ATXN2: variants seen among roughly 807,000 people sequenced by gnomAD.
ATXN2 encodes ataxin 2.
In ATXN2, 37 loss-of-function variants were observed where a neutral mutation model predicts 138.6. The ratio of observed to expected loss-of-function variants is 0.27; its 90% confidence interval spans 0.21 to 0.35. The LOEUF (loss-of-function observed/expected upper bound fraction) is 0.35, where lower values mean the gene tolerates loss of function less well. ATXN2 is among the 10% of genes least tolerant of loss of function. The pLI is 1.00. For missense variants in ATXN2, 1,216 were observed against 1,480.3 expected, an observed-to-expected ratio of 0.82 and a Z score of 2.93; for synonymous variants, 549 against 543.7, an observed-to-expected ratio of 1.01 and a Z score of -0.13.
At chr12:111,502,022 G>C (rs1390694192) in intron 14 of ATXN2, among the ~76,000 whole-genome samples, 1 of 152,096 alleles carries the variant, frequency 6.6e-6, no homozygotes, top group East Asian at 1.9e-4. Context: ...CTCCTGAGTA[G>C]CTGGTACTAT....
In ATXN2 at chr12:111,598,203, C is replaced by T; in HGVS notation, c.251+581G>A. On this transcript the variant is annotated intron_variant, in intron 1 of 24. Coordinates refer to ENST00000673436, the MANE Select transcript of ATXN2 (RefSeq NM_001372574.1). The surrounding 1 kb of genome is among the most constrained non-coding windows in gnomAD (Gnocchi z 4.5). ...GTCTCCACCCCGTCCTCCGATCTTT[C>T]CCAGGACTCGGAGGGGGCGGGGAGA... The T allele has an allele frequency of 9.5e-7, 1 of 1,052,280 alleles. No homozygotes were observed. Among genetic ancestry groups the T allele is most frequent in the Non-Finnish European group, 1.2e-6 (1 of 868,046 alleles). The allele number at this position is 1,052,280 out of a possible 1,614,324, so 65.2% of individuals were successfully genotyped here.
chr12:111,487,245 A>AT (rs1429280455), intron 15 of ATXN2, among the ~76,000 whole-genome samples: 5 of 151,492 alleles, frequency 3.3e-5, no homozygotes, highest in Non-Finnish European at 7.4e-5. Context: ...CGCCCAGCTA[A>AT]TTTTTTTTAA....
chr12:111,510,593 G>A lies in ATXN2; in HGVS notation c.1559-11C>T. 1 of 1,588,538 alleles carries A rather than the reference G, an allele frequency of 6.3e-7. No homozygotes were observed. Among genetic ancestry groups the A allele is most frequent in the Non-Finnish European group, 8.6e-7 (1 of 1,162,482 alleles). On this transcript the variant is annotated splice_polypyrimidine_tract_variant and intron_variant, in intron 11 of 24. Coordinates refer to ENST00000673436, the MANE Select transcript of ATXN2 (RefSeq NM_001372574.1). ...GGGATAATCTTGGAACTAGAAGAAA[G>A]GGAAAATGTATTTATTACATTCTCA...
chr12:111,535,172 T>C (rs944001796), intron 5 of ATXN2, among the ~76,000 whole-genome samples: 2 of 152,076 alleles, frequency 1.3e-5, no homozygotes, highest in Non-Finnish European at 1.5e-5. Context: ...ATGTAAAGTT[T>C]AACAGCCATT....
chr12:111,489,206 A>G (rs998956650), intron 14 of ATXN2, among the ~76,000 whole-genome samples: 18 of 152,222 alleles, frequency 1.2e-4, no homozygotes, highest in African/African-American at 4.3e-4. Context: ...AGCTAGTCTA[A>G]GGTGTGAAAG....
intron 5 of ATXN2, among the ~76,000 whole-genome samples, chr12:111,536,171 C>A (rs1419331688): frequency 6.6e-6 from 1 of 152,124 alleles, no homozygotes; most frequent in Non-Finnish European, 1.5e-5. Context: ...CTAAGAATTT[C>A]TTTATGTCAA....
intron 1 of ATXN2, among the ~76,000 whole-genome samples, chr12:111,558,038 T>C (rs1882481109): frequency 6.6e-6 from 1 of 152,190 alleles, no homozygotes; most frequent in South Asian, 2.1e-4. Context: ...GGTTACATCT[T>C]TGACTAATAA....
chr12:111,486,631 T>TA lies in ATXN2; in HGVS notation c.2304+129dup, dbSNP rs34616460. ...TAAAAAGTATTCATTAATGGCCATG[T>TA]AAAAAAAAGAAAGAAGGTTGGTTCA... is the stretch of plus-strand genomic sequence containing the variant. On this transcript the variant is annotated intron_variant, in intron 16 of 24. Coordinates refer to ENST00000673436, the MANE Select transcript of ATXN2 (RefSeq NM_001372574.1). 333 of 691,066 alleles carry TA rather than the reference T, an allele frequency of 4.8e-4. 2 individuals carry two copies. The highest frequency in any genetic ancestry group is 4.7e-3 in the African/African-American group (257 of 54,748). 42.8% of individuals were successfully genotyped at this position (691,066 alleles called of 1,614,324 possible).
chr12:111,555,830 G>A (rs1269920451), intron 2 of ATXN2, 53 bp downstream of exon 2: 1 of 1,460,822 alleles, frequency 6.8e-7, no homozygotes, highest in Non-Finnish European at 9.4e-7. Context: ...TGTGGTTAGA[G>A]ATCATGTTTT....
At chr12:111,533,040 T>C (rs577183634) in intron 5 of ATXN2, among the ~76,000 whole-genome samples, 11 of 152,186 alleles carry the variant, frequency 7.2e-5, no homozygotes, top group South Asian at 2.1e-4. Context: ...AAGAAGAGAA[T>C]AGAAGTGTAA....
At chr12:111,577,226 C>G (rs1202529881) in intron 1 of ATXN2, among the ~76,000 whole-genome samples, 1 of 152,002 alleles carries the variant, frequency 6.6e-6, no homozygotes, top group African/African-American at 2.4e-5. Flanking sequence ...CAAGTCAGAT[C>G]GCAAATAAAC....
At chr12:111,508,385 T>G (rs1879304691) in intron 14 of ATXN2, among the ~76,000 whole-genome samples, 1 of 151,882 alleles carries the variant, frequency 6.6e-6, no homozygotes, top group Non-Finnish European at 1.5e-5. Flanking sequence ...CATGATCATA[T>G]TCAATATTCT....
intron 21 of ATXN2, among the ~76,000 whole-genome samples, chr12:111,464,247 G>GGGGTGT (rs71445545): frequency 1.3e-3 from 178 of 134,716 alleles, no homozygotes; most frequent in Middle Eastern, 3.8e-3. Flanking sequence ...TGTGGCTTGG[G>GGGGTGT]GTGTGTGTGT....
Position 111,552,988 on chromosome 12 carries a change from ATAATT to A in ATXN2, c.349-16_349-12del. ...TTCACATTTGGAGCCCTAAAAACAT[ATAATT>A]TATTTATCAAAGAAACAGTATACTA... On this transcript the variant is annotated splice_polypyrimidine_tract_variant and intron_variant, in intron 3 of 24. Transcript: ENST00000673436. This position sits in a 1 kb window ranked among gnomAD's most constrained non-coding sequence, Gnocchi z 4.1. The A allele has an allele frequency of 6.6e-7, 1 of 1,516,870 alleles. No individual in the cohort carries two copies. Among genetic ancestry groups the A allele is most frequent in the Non-Finnish European group, 8.8e-7 (1 of 1,130,214 alleles). 94.0% of individuals were successfully genotyped at this position (1,516,870 alleles called of 1,614,324 possible).
chr12:111,485,990 C>A, intron 16 of ATXN2, 125 bp from the exon 17 acceptor site: 4 of 805,622 alleles, frequency 5.0e-6, no homozygotes, highest in Non-Finnish European at 7.0e-6. Flanking sequence ...TTATTGAAAA[C>A]AAAAACACAG....
Position 111,598,014 on chromosome 12 carries a change from G to T in ATXN2, c.251+770C>A. 1.7e-6 allele frequency: 2 copies of T among 1,195,132 alleles called. No individual in the cohort carries two copies. Among genetic ancestry groups the T allele is most frequent in the Non-Finnish European group, 2.1e-6 (2 of 942,900 alleles). 74.0% of individuals were successfully genotyped at this position (1,195,132 alleles called of 1,614,324 possible). ...GAGGTCTGGCGGGGGAAGGAGGAAG[G>T]CCGGGACGGGGCCGGGCACTCCCCA... On this transcript the variant is annotated intron_variant, in intron 1 of 24. Transcript: ENST00000673436. This position sits in a 1 kb window ranked among gnomAD's most constrained non-coding sequence, Gnocchi z 4.5.
chr12:111,523,763 GA>G (rs34024430), intron 6 of ATXN2, among the ~76,000 whole-genome samples: 9,062 of 136,464 alleles, frequency 0.066, 889 homozygotes, highest in African/African-American at 0.22. Context: ...AAATAATGCT[GA>G]AAAAAAAAAA....
intron 21 of ATXN2, among the ~76,000 whole-genome samples, chr12:111,462,973 T>TAC (rs201023351): frequency 0.015 from 2,077 of 136,556 alleles, 18 homozygotes; most frequent in African/African-American, 0.031. Flanking sequence ...CATATATATA[T>TAC]ATATACACAC....
chr12:111,507,472 C>A (rs1441009072), intron 14 of ATXN2, among the ~76,000 whole-genome samples: 1 of 151,972 alleles, frequency 6.6e-6, no homozygotes, highest in African/African-American at 2.4e-5. Flanking sequence ...ACCCGGCAGC[C>A]AACCCGTCCG....
Sources: allele counts gnomAD v4.1 joint callset (sites outside exome capture counted in the v4.1 genomes callset), GRCh38; gene constraint gnomAD v4.1.1; non-coding constraint Gnocchi (gnomAD v3.1); transcripts MANE v1.5; gene names NCBI Gene and HGNC (gene_info 2026-07-23, HGNC 2026-07-21).